PDE4D: variants seen among roughly 807,000 people sequenced by gnomAD.
PDE4D encodes the protein phosphodiesterase 4D.
In PDE4D, 24 loss-of-function variants were observed where a neutral mutation model predicts 87.4. That is an observed-to-expected ratio of 0.27 (90% CI 0.20 to 0.39). The LOEUF (loss-of-function observed/expected upper bound fraction) is 0.39, where lower values mean the gene tolerates loss of function less well. Among genes scored for constraint, PDE4D ranks in the 10% least tolerant of loss-of-function variants. PDE4D has a pLI of 1.00. For synonymous variants in PDE4D, 384 were observed against 383.2 expected, an observed-to-expected ratio of 1.00 and a Z score of -0.02; for missense variants, 714 against 1,041.0, an observed-to-expected ratio of 0.69 and a Z score of 4.32.
At chr5:60,182,472 A>C (rs903154020) in intron 2 of PDE4D, among the ~76,000 whole-genome samples, 3 of 152,202 alleles carry the variant, frequency 2.0e-5, no homozygotes, top group African/African-American at 4.8e-5. Context: ...GTCTCTACTA[A>C]TAAGACAAAA....
chr5:59,971,807 G>A (rs1760798468), intron 3 of PDE4D, among the ~76,000 whole-genome samples: 2 of 152,094 alleles, frequency 1.3e-5, no homozygotes, highest in Admixed American at 1.3e-4. Context: ...GGCACTTTCT[G>A]TACTTTAGTT....
intron 6 of PDE4D, among the ~76,000 whole-genome samples, chr5:58,996,999 A>G (rs1442640171): frequency 6.6e-6 from 1 of 152,084 alleles, no homozygotes; most frequent in Admixed American, 6.6e-5. Context: ...CCACCTCCCT[A>G]CCAAGGCTTA....
intron 1 of PDE4D, among the ~76,000 whole-genome samples, chr5:60,406,895 T>C (rs981099217): frequency 1.3e-5 from 2 of 151,684 alleles, no homozygotes; most frequent in Admixed American, 1.3e-4. Context: ...GTGTGGGGAG[T>C]TCCATGTGCT....
chr5:59,607,933 G>T (rs1039661938), intron 1 of PDE4D, among the ~76,000 whole-genome samples: 1 of 152,126 alleles, frequency 6.6e-6, no homozygotes, highest in Non-Finnish European at 1.5e-5. Flanking sequence ...TCAATAGCAG[G>T]AGTAGGTAGG....
chr5:59,929,239 A>C (rs901202417), intron 3 of PDE4D, among the ~76,000 whole-genome samples: 5 of 152,200 alleles, frequency 3.3e-5, no homozygotes, highest in African/African-American at 1.2e-4. Flanking sequence ...GAAAAGTATA[A>C]TATTGTAGAC....
At chr5:59,198,736 C>T (rs558967430) in intron 2 of PDE4D, among the ~76,000 whole-genome samples, 94 of 152,250 alleles carry the variant, frequency 6.2e-4, no homozygotes, top group African/African-American at 2.2e-3. Context: ...TATTCCCCCT[C>T]CCATCCTTCT....
intron 1 of PDE4D, among the ~76,000 whole-genome samples, chr5:59,674,260 A>C (rs1018812759): frequency 5.3e-5 from 8 of 152,156 alleles, no homozygotes; most frequent in Non-Finnish European, 1.0e-4. Context: ...CCTAAGCCGG[A>C]ATAGATGCCC....
At chr5:60,005,989 T>G (rs1237387605) in intron 2 of PDE4D, among the ~76,000 whole-genome samples, 1 of 151,986 alleles carries the variant, frequency 6.6e-6, no homozygotes, top group Non-Finnish European at 1.5e-5. Flanking sequence ...TCAGCTACAT[T>G]TGATAATAAG....
Position 60,342,660 on chromosome 5 carries a change from G to C in PDE4D, c.-90+145282C>G, listed in dbSNP as rs528888002. ...GTTTAACTCCTTGAGATCAATAAAT[G>C]TTATTTCTGAGAATAGGATAATCGG... On this transcript the variant is annotated intron_variant, in intron 1 of 16. Coordinates refer to the PDE4D transcript ENST00000502484. Among the ~76,000 whole-genome samples, 3 of 151,620 alleles carry C rather than the reference G, an allele frequency of 2.0e-5. No homozygotes were observed. The South Asian group carries it at 6.2e-4, about 32-fold the overall frequency.
chr5:60,439,178 C>G (rs909189283), intron 1 of PDE4D, among the ~76,000 whole-genome samples: 1 of 152,070 alleles, frequency 6.6e-6, no homozygotes, highest in Non-Finnish European at 1.5e-5. Context: ...CCCAAAATAC[C>G]TTATGGCTTA....
intron 2 of PDE4D, among the ~76,000 whole-genome samples, chr5:60,155,560 C>T (rs911906505): frequency 5.3e-5 from 8 of 152,064 alleles, no homozygotes; most frequent in African/African-American, 1.9e-4. Context: ...GTATTAACAA[C>T]AAAATTTAAG....
chr5:60,187,583 A>G (rs1262864051), intron 1 of PDE4D, among the ~76,000 whole-genome samples: 1 of 152,200 alleles, frequency 6.6e-6, no homozygotes, highest in Non-Finnish European at 1.5e-5. Flanking sequence ...AATGGATTTG[A>G]CCTGATAAGC....
chr5:59,692,756 T>C (rs1048280416), intron 1 of PDE4D, among the ~76,000 whole-genome samples: 1 of 152,146 alleles, frequency 6.6e-6, no homozygotes, highest in African/African-American at 2.4e-5. Context: ...TTAAAGGTTC[T>C]GGCATCATGG....
chr5:60,366,776 C>T (rs571433148), intron 1 of PDE4D, among the ~76,000 whole-genome samples: 304 of 152,324 alleles, frequency 2.0e-3, no homozygotes, highest in Non-Finnish European at 3.3e-3. Context: ...TGCAGCCGTA[C>T]AGCCCTGGGA....
At chr5:60,299,120 T>C (rs374071264) in intron 1 of PDE4D, among the ~76,000 whole-genome samples, 1 of 151,916 alleles carries the variant, frequency 6.6e-6, no homozygotes, top group Non-Finnish European at 1.5e-5. Flanking sequence ...TAAAATTAGG[T>C]TTTTTTTCAA....
chr5:59,270,002 A>C (rs1182404011), intron 1 of PDE4D, among the ~76,000 whole-genome samples: 2 of 152,152 alleles, frequency 1.3e-5, no homozygotes, highest in African/African-American at 4.8e-5. Context: ...TTAGAAGTAC[A>C]GTGGACAAAT....
intron 3 of PDE4D, among the ~76,000 whole-genome samples, chr5:59,957,321 T>C (rs1369369802): frequency 6.6e-6 from 1 of 152,142 alleles, no homozygotes; most frequent in Non-Finnish European, 1.5e-5. Context: ...TATTTTCCAG[T>C]ATAGAATTAG....
rs991805663 is a variant in PDE4D, at chr5:59,125,368, ATCCTCTTCCTTAAGCT to A, written c.808+55211_808+55226del. On this transcript the variant is annotated intron_variant, in intron 5 of 14. Coordinates refer to ENST00000340635, the MANE Select transcript of PDE4D (RefSeq NM_001104631.2). ...TAAATTATTTTTCCTTTTCAAAATG[ATCCTCTTCCTTAAGCT>A]TCCTCTGTCAATTGACTGCCAACCT... The A allele has an allele frequency of 9.9e-6, 7 of 704,912 alleles. No individual in the cohort carries two copies. The African/African-American group carries it at 1.3e-4, about 14-fold the overall frequency. 43.7% of individuals were successfully genotyped at this position (704,912 alleles called of 1,614,324 possible).
At chr5:59,012,673 A>G (rs935343384) in intron 6 of PDE4D, among the ~76,000 whole-genome samples, 1 of 152,200 alleles carries the variant, frequency 6.6e-6, no homozygotes, top group Non-Finnish European at 1.5e-5. Flanking sequence ...GAGACCTACT[A>G]AGAGACTTAG....
Sources: gnomAD v4.1 joint callset for allele counts (sites outside exome capture counted in the v4.1 genomes callset) on GRCh38, gnomAD v4.1.1 for gene constraint, MANE v1.5 for transcripts, NCBI Gene and HGNC (gene_info 2026-07-23, HGNC 2026-07-21) for gene names.